Variants in CREB3L2 observed in about 807,000 individuals in gnomAD.
CREB3L2 encodes cyclic AMP-responsive element-binding protein 3-like protein 2.
In CREB3L2, 23 loss-of-function variants were observed where a neutral mutation model predicts 57.2. The ratio of observed to expected loss-of-function variants is 0.40; its 90% CI spans 0.29 to 0.57. The LOEUF (loss-of-function observed/expected upper bound fraction) is 0.57, where lower values mean the gene tolerates loss of function less well. CREB3L2 is among the 20% of genes least tolerant of loss of function. The pLI is 0.42. For synonymous variants in CREB3L2, 268 were observed against 265.1 expected, an observed-to-expected ratio of 1.01 and a Z score of -0.11; for missense variants, 628 against 634.7, an observed-to-expected ratio of 0.99 and a Z score of 0.11.
intron 1 of CREB3L2, among the ~76,000 whole-genome samples, chr7:137,963,916 A>G (rs1012232174): frequency 6.6e-6 from 1 of 152,248 alleles, no homozygotes; most frequent in East Asian, 1.9e-4. Flanking sequence ...AAAAATAGAA[A>G]TGAACAAATG....
At chr7:137,901,886 A>AAAG (rs947960073) in intron 7 of CREB3L2, among the ~76,000 whole-genome samples, 2 of 149,448 alleles carry the variant, frequency 1.3e-5, no homozygotes, top group African/African-American at 4.9e-5. Flanking sequence ...AAAAAAAAAA[A>AAAG]AAAAAAGAAA....
chr7:137,953,518 G>C (rs1172289778), intron 1 of CREB3L2: 2 of 1,289,022 alleles, frequency 1.6e-6, no homozygotes, highest in Non-Finnish European at 2.0e-6. Context: ...TCTCCTGAAA[G>C]GGAAAGGTAT....
At chr7:137,953,935 G>GC (rs1014487222) in intron 1 of CREB3L2, among the ~76,000 whole-genome samples, 27 of 152,346 alleles carry the variant, frequency 1.8e-4, no homozygotes, top group African/African-American at 6.5e-4. Flanking sequence ...GGGAAAAGCA[G>GC]CAGGGGTGTG....
rs567735303 is a variant in CREB3L2, at chr7:137,903,419, T to C, written c.974+540A>G. The stretch of plus-strand genomic sequence containing the variant: ...AGACAAAACTGTATTTAATTCATCT[T>C]TTTCTAACAGCCCGCCTGATATTAC... On this transcript the variant is annotated intron_variant, in intron 7 of 11. Transcript: ENST00000330387. Among the ~76,000 whole-genome samples, 27 of 152,332 alleles carry C rather than the reference T, an allele frequency of 1.8e-4. No homozygotes were observed. The South Asian group carries it at 5.4e-3, about 30-fold the overall frequency.
intron 8 of CREB3L2, among the ~76,000 whole-genome samples, chr7:137,887,724 A>T (rs1799451466): frequency 6.6e-6 from 1 of 151,188 alleles, no homozygotes; most frequent in African/African-American, 2.5e-5. Context: ...AAAAAAAAAA[A>T]TTTCTATGCG....
chr7:137,926,986 C>CA (rs1276308250), intron 2 of CREB3L2, among the ~76,000 whole-genome samples: 31 of 151,806 alleles, frequency 2.0e-4, no homozygotes, highest in African/African-American at 6.5e-4. Flanking sequence ...CCCATTTCTA[C>CA]AAAAAAATAA....
intron 1 of CREB3L2, chr7:137,933,982 C>T (rs1246821183): frequency 6.6e-6 from 1 of 152,260 alleles, no homozygotes; most frequent in African/African-American, 2.4e-5. Context: ...GGAAGCCTTT[C>T]TGGATACTGC....
At chr7:137,974,048 G>T (rs2117305094) in intron 1 of CREB3L2, among the ~76,000 whole-genome samples, 1 of 107,486 alleles carries the variant, frequency 9.3e-6, no homozygotes, top group East Asian at 2.1e-4. Context: ...CCAAGCATCT[G>T]CTCTTTAAAA....
intron 8 of CREB3L2, among the ~76,000 whole-genome samples, chr7:137,887,502 T>A (rs562210851): frequency 6.6e-6 from 1 of 152,110 alleles, no homozygotes; most frequent in African/African-American, 2.4e-5. Flanking sequence ...AGGTCAGGAG[T>A]TCGAGACCAG....
intron 1 of CREB3L2, among the ~76,000 whole-genome samples, chr7:137,930,920 T>C (rs1273964274): frequency 8.3e-6 from 1 of 119,840 alleles, no homozygotes; most frequent in Admixed American, 9.5e-5. Context: ...TATGTAGTCA[T>C]TCCTTTTAAA....
intron 8 of CREB3L2, among the ~76,000 whole-genome samples, chr7:137,895,646 A>AAAAAAAAAAAAG (rs1799613890): frequency 1.3e-5 from 2 of 151,756 alleles, no homozygotes; most frequent in South Asian, 4.2e-4. Flanking sequence ...CCAGTACAAA[A>AAAAAAAAAAAAG]AAAAAAAGAA....
At chr7:137,942,348 C>T (rs1354668584) in intron 1 of CREB3L2, among the ~76,000 whole-genome samples, 3 of 152,208 alleles carry the variant, frequency 2.0e-5, no homozygotes, top group Non-Finnish European at 4.4e-5. Flanking sequence ...CCCTCTAAAT[C>T]CTTCTGCCCT....
chr7:137,924,356 G>C (rs1800403075), intron 2 of CREB3L2, among the ~76,000 whole-genome samples: 1 of 152,200 alleles, frequency 6.6e-6, no homozygotes, highest in Non-Finnish European at 1.5e-5. Flanking sequence ...GCCATGTCTG[G>C]TTCTCTCTGA....
chr7:137,884,979 C>T lies in CREB3L2; in HGVS notation c.1270+16G>A. ...ATAAAACAAGACCCTGCCCAACTTG[C>T]CACATGCTGTCTTACCCACGGAGGC... On this transcript the variant is annotated intron_variant, in intron 10 of 11. Coordinates refer to ENST00000330387, the MANE Select transcript of CREB3L2 (RefSeq NM_194071.4). The T allele has an allele frequency of 1.2e-6, 2 of 1,614,118 alleles. No homozygotes were observed. Among genetic ancestry groups the T allele is most frequent in the Non-Finnish European group, 1.7e-6 (2 of 1,179,990 alleles).
intron 1 of CREB3L2, among the ~76,000 whole-genome samples, chr7:137,988,306 A>G (rs747456862): frequency 5.9e-5 from 9 of 152,228 alleles, no homozygotes; most frequent in Non-Finnish European, 1.0e-4. Context: ...GTCTGGCCAG[A>G]GTGCCTTTGC....
intron 8 of CREB3L2, 40 bp from the exon 9 acceptor site, chr7:137,885,542 A>C: frequency 6.7e-7 from 1 of 1,500,002 alleles, no homozygotes; most frequent in Non-Finnish European, 9.3e-7. Flanking sequence ...AGTCTGACAG[A>C]GAAGAGATGC....
chr7:137,935,980 C>T, intron 1 of CREB3L2: 1 of 978,650 alleles, frequency 1.0e-6, no homozygotes, highest in Non-Finnish European at 1.2e-6. Context: ...CTGCTAACAA[C>T]TGCCCTAAGA....
At chr7:137,903,680 T>C (rs1799817418) in intron 7 of CREB3L2, among the ~76,000 whole-genome samples, 1 of 152,224 alleles carries the variant, frequency 6.6e-6, no homozygotes, top group Non-Finnish European at 1.5e-5. Context: ...ATGTTAATAT[T>C]TGTATGTGTT....
At chr7:137,883,330 A>T (rs1799339251) in intron 10 of CREB3L2, among the ~76,000 whole-genome samples, 1 of 152,094 alleles carries the variant, frequency 6.6e-6, no homozygotes, top group African/African-American at 2.4e-5. Context: ...AGATGGCAAA[A>T]TTTTCCCTAT....
Sources: gnomAD v4.1 joint callset for allele counts (sites outside exome capture counted in the v4.1 genomes callset) on GRCh38, gnomAD v4.1.1 for gene constraint, MANE v1.5 for transcripts, NCBI Gene and HGNC (gene_info 2026-07-23, HGNC 2026-07-21) for gene names.